NELL1: variants seen among roughly 807,000 people sequenced by gnomAD.
NELL1 encodes the protein neural EGFL like 1, also known as protein kinase C-binding protein NELL1.
A neutral mutation model predicts 107.4 loss-of-function variants in NELL1; 76 were observed. The ratio of observed to expected loss-of-function variants is 0.71; its 90% CI spans 0.59 to 0.86. The LOEUF (loss-of-function observed/expected upper bound fraction) is 0.86, where lower values mean the gene tolerates loss of function less well. Among genes scored for constraint, NELL1 ranks in the 40% least tolerant of loss-of-function variants. The probability of loss-of-function intolerance (pLI) is 0.00; values close to 1 mark genes in which losing one functional copy is unlikely to be tolerated. For missense variants in NELL1, 1,024 were observed against 1,005.5 expected (o/e 1.02, Z -0.25); for synonymous variants, 353 against 341.2 (o/e 1.03, Z -0.38).
chr11:20,950,622 C>T (rs935728179), intron 11 of NELL1, among the ~76,000 whole-genome samples: 1 of 152,162 alleles, frequency 6.6e-6, no homozygotes. Flanking sequence ...CCCCTTCTCC[C>T]CTTCTCTGAA....
At chr11:21,355,574 C>T (rs1297746893) in intron 14 of NELL1, among the ~76,000 whole-genome samples, 2 of 152,178 alleles carry the variant, frequency 1.3e-5, no homozygotes, top group Non-Finnish European at 2.9e-5. Context: ...TTTCTAGAAT[C>T]ATGCTTTTAC....
chr11:20,808,345 C>G (rs1040614515), intron 3 of NELL1, among the ~76,000 whole-genome samples: 2 of 152,176 alleles, frequency 1.3e-5, no homozygotes, highest in African/African-American at 4.8e-5. Context: ...CAGGACTCTG[C>G]CTGGTGTCCT....
intron 12 of NELL1, among the ~76,000 whole-genome samples, chr11:20,975,255 A>G (rs531537799): frequency 2.3e-4 from 35 of 151,970 alleles, no homozygotes; most frequent in African/African-American, 8.4e-4. Context: ...ACCTCACATG[A>G]TCCACCCTCC....
rs756507435 is a variant in NELL1 at position 21,154,166 on chromosome 11, T to C, written c.1426+40452T>C. ...AGACCAGTTATGGATAAAATGTTGATGTTTTGTGAAGTTTGTATAATGAAT... is the reference window on the plus strand; with the variant it reads ...AGACCAGTTATGGATAAAATGTTGACGTTTTGTGAAGTTTGTATAATGAAT... On this transcript the variant is annotated intron_variant, in intron 13 of 19. Transcript: ENST00000357134. Among the ~76,000 whole-genome samples the C allele has an allele frequency of 7.9e-5, 12 of 152,308 alleles. No homozygotes were observed. In the East Asian group the frequency reaches 2.1e-3, roughly 27 times the overall value.
At chr11:21,443,021 C>T (rs1853331906) in intron 15 of NELL1, among the ~76,000 whole-genome samples, 1 of 113,056 alleles carries the variant, frequency 8.8e-6, no homozygotes, top group East Asian at 2.9e-4. Flanking sequence ...TAACAGAATA[C>T]TACATACAGG....
intron 15 of NELL1, among the ~76,000 whole-genome samples, chr11:21,389,010 A>G (rs1851809041): frequency 6.6e-6 from 1 of 151,468 alleles, no homozygotes; most frequent in Non-Finnish European, 1.5e-5. Context: ...GGAACACTAC[A>G]CTCGTATTTT....
At chr11:20,677,808 CAA>C (rs1161003812) in intron 1 of NELL1, 122 bp from the exon 2 acceptor site, 8 of 1,115,518 alleles carry the variant, frequency 7.2e-6, no homozygotes, top group Non-Finnish European at 1.3e-6. Context: ...CCTCCATAGA[CAA>C]AGACTCTCCA....
intron 13 of NELL1, among the ~76,000 whole-genome samples, chr11:21,150,854 A>C (rs1281421283): frequency 6.6e-6 from 1 of 152,166 alleles, no homozygotes; most frequent in Non-Finnish European, 1.5e-5. Flanking sequence ...ACATTTCCAC[A>C]GGCTGTACAG....
chr11:20,899,105 A>T (rs182108712), intron 5 of NELL1, among the ~76,000 whole-genome samples: 17 of 152,304 alleles, frequency 1.1e-4, no homozygotes, highest in South Asian at 2.1e-4. Flanking sequence ...CAGAAAAGTT[A>T]GTAAGCGTAT....
At chr11:21,166,377 A>G (rs1856484317) in intron 13 of NELL1, among the ~76,000 whole-genome samples, 1 of 151,934 alleles carries the variant, frequency 6.6e-6, no homozygotes, top group South Asian at 2.1e-4. Flanking sequence ...ACATTTAAAA[A>G]TCACTTTTAA....
intron 2 of NELL1, among the ~76,000 whole-genome samples, chr11:20,763,394 T>G (rs1738385538): frequency 6.6e-6 from 1 of 152,170 alleles, no homozygotes; most frequent in Non-Finnish European, 1.5e-5. Flanking sequence ...TGTTAATATT[T>G]GTTGTGTGGA....
chr11:21,393,084 A>G (rs1851913954), intron 15 of NELL1, among the ~76,000 whole-genome samples: 1 of 151,702 alleles, frequency 6.6e-6, no homozygotes, highest in Admixed American at 6.6e-5. Flanking sequence ...TCAATGGTTT[A>G]AAATACGACC....
At chr11:21,353,509 T>G (rs1850862705) in intron 14 of NELL1, among the ~76,000 whole-genome samples, 1 of 152,188 alleles carries the variant, frequency 6.6e-6, no homozygotes, top group South Asian at 2.1e-4. Flanking sequence ...TTTGAGGGAT[T>G]TGAGCTTAAA....
At position 20,767,747 on chromosome 11, in the gene NELL1, CAT is replaced by C. The variant is rs1233691549; in HGVS notation, c.185-15932_185-15931del. Among the ~76,000 whole-genome samples, 428 of 152,274 alleles carry C rather than the reference CAT, an allele frequency of 2.8e-3. 2 individuals carry two copies. Among genetic ancestry groups the C allele is most frequent in the African/African-American group, 9.8e-3 (406 of 41,546 alleles). On this transcript the variant is annotated intron_variant, in intron 2 of 19. Coordinates refer to ENST00000357134, the MANE Select transcript of NELL1 (RefSeq NM_006157.5). ...TCATTCATTCATTCATTCATTCATT[CAT>C]GCACTCAACAAATATTTATTGCACA...
At chr11:21,384,468 T>C (rs1319499785) in intron 15 of NELL1, among the ~76,000 whole-genome samples, 1 of 152,000 alleles carries the variant, frequency 6.6e-6, no homozygotes, top group African/African-American at 2.4e-5. Flanking sequence ...TATTATACTT[T>C]AAGTTTTAGG....
chr11:21,285,144 T>G (rs1265530802), intron 14 of NELL1, among the ~76,000 whole-genome samples: 3 of 152,224 alleles, frequency 2.0e-5, no homozygotes, highest in Non-Finnish European at 2.9e-5. Context: ...TCCCATTAAA[T>G]TGAAATGCCA....
At chr11:21,330,818 GT>G (rs1249830607) in intron 14 of NELL1, among the ~76,000 whole-genome samples, 1 of 151,832 alleles carries the variant, frequency 6.6e-6, no homozygotes, top group African/African-American at 2.4e-5. Context: ...GTTCCTTTCT[GT>G]TTTTTCTCTT....
intron 8 of NELL1, among the ~76,000 whole-genome samples, chr11:20,928,051 T>C (rs767440451): frequency 2.6e-5 from 4 of 152,360 alleles, no homozygotes; most frequent in Non-Finnish European, 5.9e-5. Context: ...AAACAGATTG[T>C]TAGAGCCTCA....
At chr11:20,961,198 C>T (rs1447761170) in intron 12 of NELL1, among the ~76,000 whole-genome samples, 1 of 152,092 alleles carries the variant, frequency 6.6e-6, no homozygotes, top group Non-Finnish European at 1.5e-5. Context: ...TAAGAGAGCA[C>T]CGTTTTTTCA....
Sources: allele counts gnomAD v4.1 joint callset (sites outside exome capture counted in the v4.1 genomes callset), GRCh38; gene constraint gnomAD v4.1.1; transcripts MANE v1.5; gene names NCBI Gene and HGNC (gene_info 2026-07-23, HGNC 2026-07-21).